The following CCDC102B variants were observed in gnomAD, a reference collection of about 807,000 sequenced individuals.
The protein encoded by CCDC102B is coiled-coil domain containing 102B, also known as coiled-coil domain-containing protein 102B.
Under a neutral mutation model 57.4 loss-of-function variants are expected in CCDC102B, and 75 were observed. The ratio of observed to expected loss-of-function variants is 1.31; its 90% CI spans 1.08 to 1.58. The LOEUF is 1.58. Ranked by LOEUF, CCDC102B falls within the 40% of genes most tolerant of loss-of-function variation. The pLI, the probability that CCDC102B is intolerant of heterozygous loss-of-function variation, is 0.00. For missense variants in CCDC102B, 636 were observed against 582.6 expected, an observed-to-expected ratio of 1.09 and a Z score of -0.94; for synonymous variants, 206 against 201.9, an observed-to-expected ratio of 1.02 and a Z score of -0.17.
At chr18:69,046,265 AT>A (rs1391730309) in intron 7 of CCDC102B, among the ~76,000 whole-genome samples, 11 of 152,086 alleles carry the variant, frequency 7.2e-5, no homozygotes, top group Non-Finnish European at 1.5e-5. Flanking sequence ...AGCATCTATT[AT>A]TTTTTGACTC....
intron 2 of CCDC102B, among the ~76,000 whole-genome samples, chr18:68,763,061 A>T (rs1385561976): frequency 1.3e-5 from 2 of 152,148 alleles, no homozygotes; most frequent in African/African-American, 4.8e-5. Context: ...ACGTGATTTT[A>T]TAATTTTACG....
rs2034130221 is a variant in CCDC102B, at chr18:68,758,377, A to G, written c.-67+41783A>G. Among the ~76,000 whole-genome samples the G allele has an allele frequency of 2.0e-5, 3 of 152,108 alleles. No individual in the cohort carries two copies. In the South Asian group the frequency reaches 6.2e-4, roughly 32 times the overall value. On this transcript the variant is annotated intron_variant, in intron 2 of 3. Coordinates refer to the CCDC102B transcript ENST00000578970. ...GATCTTAAAATTGTCCAAGTTAAACATGCTTGTGCTGCTGTAAGAATCAGT... is the reference window on the plus strand; with the variant it reads ...GATCTTAAAATTGTCCAAGTTAAACGTGCTTGTGCTGCTGTAAGAATCAGT...
chr18:69,032,551 T>A (rs1328054034), intron 7 of CCDC102B, among the ~76,000 whole-genome samples: 1 of 152,154 alleles, frequency 6.6e-6, no homozygotes, highest in Non-Finnish European at 1.5e-5. Flanking sequence ...TCCTTAACAT[T>A]TTATCACACA....
rs74992046 is a variant in CCDC102B at position 69,031,217 on chromosome 18, A to G, written c.1434+20113A>G. Reference sequence around the variant, plus strand: ...AGAAGAAATCATTTCATCGTGTTATATATTATTCTTCTGAGCATTGTAGTC... The same window carrying G: ...AGAAGAAATCATTTCATCGTGTTATGTATTATTCTTCTGAGCATTGTAGTC... On this transcript the variant is annotated intron_variant, in intron 7 of 7. Coordinates refer to ENST00000360242, the MANE Select transcript of CCDC102B (RefSeq NM_024781.3). 5.0e-4 allele frequency among the ~76,000 whole-genome samples: 76 copies of G among 152,286 alleles called. 1 individual carries two copies. In the East Asian group the frequency reaches 0.015, roughly 29 times the overall value.
intron 1 of CCDC102B, among the ~76,000 whole-genome samples, chr18:68,804,973 G>A (rs560271279): frequency 1.8e-4 from 27 of 151,592 alleles, no homozygotes; most frequent in African/African-American, 6.3e-4. Context: ...GAGTATATTT[G>A]AGGAGGCCAT....
intron 2 of CCDC102B, among the ~76,000 whole-genome samples, chr18:68,759,045 A>C (rs931928951): frequency 3.9e-5 from 6 of 151,910 alleles, no homozygotes; most frequent in African/African-American, 1.4e-4. Flanking sequence ...ACAAAAAAAC[A>C]ACCAAGATAC....
At chr18:68,830,039 C>G (rs1418552674) in intron 1 of CCDC102B, among the ~76,000 whole-genome samples, 1 of 151,882 alleles carries the variant, frequency 6.6e-6, no homozygotes, top group African/African-American at 2.4e-5. Flanking sequence ...GTGATTTGCT[C>G]TCACATTAGA....
At chr18:68,733,623 A>G (rs756694739) in intron 2 of CCDC102B, among the ~76,000 whole-genome samples, 2 of 151,536 alleles carry the variant, frequency 1.3e-5, no homozygotes, top group Non-Finnish European at 2.9e-5. Context: ...ATATCAATCA[A>G]CCTCACGTGT....
chr18:68,801,783 A>C (rs2035862854), intron 1 of CCDC102B, among the ~76,000 whole-genome samples: 1 of 152,148 alleles, frequency 6.6e-6, no homozygotes, highest in Non-Finnish European at 1.5e-5. Context: ...CTTTAGACTC[A>C]TTTTCATTTG....
chr18:68,940,461 G>A (rs896324954), intron 6 of CCDC102B, among the ~76,000 whole-genome samples: 19 of 151,694 alleles, frequency 1.3e-4, no homozygotes, highest in Non-Finnish European at 1.5e-5. Context: ...TACATATAGG[G>A]AAGGTCATCT....
intron 6 of CCDC102B, among the ~76,000 whole-genome samples, chr18:68,923,519 G>C (rs1288235446): frequency 6.6e-6 from 1 of 151,926 alleles, no homozygotes; most frequent in South Asian, 2.1e-4. Context: ...GCTATGTATG[G>C]TGTGAATATG....
At chr18:68,821,208 T>A (rs572163621) in intron 1 of CCDC102B, among the ~76,000 whole-genome samples, 1 of 152,148 alleles carries the variant, frequency 6.6e-6, no homozygotes, top group Admixed American at 6.5e-5. Context: ...GAAAAAACAC[T>A]AAAAATAAAT....
intron 6 of CCDC102B, among the ~76,000 whole-genome samples, chr18:69,007,432 A>G (rs1320162290): frequency 6.6e-6 from 1 of 152,246 alleles, no homozygotes; most frequent in Non-Finnish European, 1.5e-5. Context: ...ACATTTTTAA[A>G]AAATTATTTC....
At chr18:68,765,324 G>GAAAGAAA (rs2034407001) in intron 2 of CCDC102B, among the ~76,000 whole-genome samples, 309 of 60,364 alleles carry the variant, frequency 5.1e-3, no homozygotes, top group Admixed American at 6.8e-3. Flanking sequence ...AAGGAAGGAA[G>GAAAGAAA]GAAAGAAAGA....
intron 6 of CCDC102B, among the ~76,000 whole-genome samples, chr18:68,967,346 G>A (rs1028571277): frequency 7.9e-5 from 12 of 151,976 alleles, no homozygotes; most frequent in Non-Finnish European, 2.9e-5. Flanking sequence ...AACTAACTTG[G>A]TGCTCAAATC....
At chr18:69,046,173 A>G (rs2052561303) in intron 7 of CCDC102B, among the ~76,000 whole-genome samples, 1 of 152,138 alleles carries the variant, frequency 6.6e-6, no homozygotes. Flanking sequence ...AGGAATCACC[A>G]CACTGCTTTC....
chr18:69,005,105 A>G (rs2051305080), intron 6 of CCDC102B, among the ~76,000 whole-genome samples: 1 of 152,198 alleles, frequency 6.6e-6, no homozygotes, highest in African/African-American at 2.4e-5. Flanking sequence ...TACAAAAATT[A>G]TAATGTGTTT....
intron 6 of CCDC102B, among the ~76,000 whole-genome samples, chr18:68,958,083 A>G (rs1043065141): frequency 6.6e-6 from 1 of 152,006 alleles, no homozygotes; most frequent in Non-Finnish European, 1.5e-5. Context: ...AAGAGAAGAG[A>G]GCTAGTGCAG....
rs181075120 is a variant in CCDC102B at position 68,835,663 on chromosome 18, C to T, written c.-15-1086C>T. On this transcript the variant is annotated intron_variant, in intron 1 of 7. Transcript: ENST00000360242. The stretch of plus-strand genomic sequence containing the variant: ...AATATAGGTTATCCTGCTCACATAG[C>T]AAAGGATTCAGAGGTATGCATTCTA... Among the ~76,000 whole-genome samples the T allele has an allele frequency of 8.5e-5, 13 of 152,286 alleles. No individual in the cohort carries two copies. In the East Asian group the frequency reaches 9.6e-4, roughly 11 times the overall value.
Sources: gnomAD v4.1 joint callset for allele counts (sites outside exome capture counted in the v4.1 genomes callset) on GRCh38, gnomAD v4.1.1 for gene constraint, MANE v1.5 for transcripts, NCBI Gene and HGNC (gene_info 2026-07-23, HGNC 2026-07-21) for gene names.